The following CD5 variants were observed in gnomAD, a reference collection of about 807,000 sequenced individuals.
The protein encoded by CD5 is T-cell surface glycoprotein CD5.
CD5 carries 36 observed loss-of-function variants against 60.3 expected under a neutral mutation model. The observed-to-expected ratio is 0.60, with a 90% CI of 0.46 to 0.79. The LOEUF (loss-of-function observed/expected upper bound fraction) is 0.79. Ranked by LOEUF, CD5 falls within the 30% of genes least tolerant of loss-of-function variation. The pLI is 0.00. For synonymous variants in CD5, 230 were observed against 257.6 expected (o/e 0.89, Z 1.03); for missense variants, 540 against 630.6 (o/e 0.86, Z 1.54).
At chr11:61,123,821 CT>C in intron 7 of CD5, 62 bp from the exon 8 acceptor site, 1 of 649,644 alleles carries the variant, frequency 1.5e-6, no homozygotes. Flanking sequence ...ATCCCCACCC[CT>C]GCCTGCCCCC....
At chr11:61,110,607 C>A (rs984600203) in intron 1 of CD5, among the ~76,000 whole-genome samples, 1 of 152,180 alleles carries the variant, frequency 6.6e-6, no homozygotes, top group South Asian at 2.1e-4. Flanking sequence ...TCATGGGCTT[C>A]CTGCTGGAGG....
upstream of CD5, among the ~76,000 whole-genome samples, chr11:61,097,517 G>A (rs575091596): frequency 1.5e-4 from 23 of 152,258 alleles, no homozygotes; most frequent in African/African-American, 2.2e-4. Flanking sequence ...GGACCCACCC[G>A]GAGTCCCACC....
intron 8 of CD5, 73 bp downstream of exon 8, chr11:61,124,010 T>A: frequency 8.3e-7 from 1 of 1,204,954 alleles, no homozygotes; most frequent in Non-Finnish European, 1.2e-6. Flanking sequence ...CGAGGCTCTC[T>A]GCTGACCACA....
chr11:61,099,853 G>A (rs375045138), upstream of CD5, among the ~76,000 whole-genome samples: 139 of 144,592 alleles, frequency 9.6e-4, no homozygotes, highest in African/African-American at 3.3e-3. Context: ...ACAGCACAGA[G>A]ATCACACATG....
intron 1 of CD5, among the ~76,000 whole-genome samples, chr11:61,106,343 A>G (rs762072128): frequency 1.3e-5 from 2 of 152,154 alleles, no homozygotes; most frequent in Non-Finnish European, 2.9e-5. Flanking sequence ...AGGCAGAGAA[A>G]AAAGGGAAGA....
chr11:61,119,647 G>A (rs1267686774), intron 5 of CD5, 72 bp downstream of exon 5: 1 of 1,099,660 alleles, frequency 9.1e-7, no homozygotes, highest in African/African-American at 1.6e-5. Context: ...ATCCCAGAAG[G>A]TCAGGGAACA....
Position 61,118,197 on chromosome 11 carries a change from T to C in CD5, c.117T>C (p.Arg39=). The C allele has an allele frequency of 6.2e-7, 1 of 1,614,020 alleles. No homozygotes were observed. The highest frequency in any genetic ancestry group is 1.1e-5 in the South Asian group (1 of 91,084). The change falls in exon 3 of 11, where the codon CGT becomes CGC. Residue 39 remains arginine, a synonymous_variant. Coordinates refer to ENST00000347785, the MANE Select transcript of CD5 (RefSeq NM_014207.4). This position sits in a 1 kb window ranked among gnomAD's most constrained non-coding sequence, Gnocchi z 4.7. ...YDPDFQARLT[R]SNSKCQGQLE... ...CAGATTTCCAGGCAAGGCTCACCCG[T>C]TCCAACTCGAAGTGCCAGGGCCAGC...
Position 61,125,757 on chromosome 11 carries a change from A to T in CD5, c.1406A>T (p.Glu469Val). 1.2e-6 allele frequency: 2 copies of T among 1,610,344 alleles called. No individual in the cohort carries two copies. The highest frequency in any genetic ancestry group is 1.7e-6 in the Non-Finnish European group (2 of 1,177,534). Residue 469 changes from glutamate to valine, a missense_variant, in exon 10 of 11, where the codon GAA becomes GTA. Coordinates refer to ENST00000347785, the MANE Select transcript of CD5 (RefSeq NM_014207.4). ...GCGTCCTTTCTTTCCCCAGCTCTGGAAGGGGCTCTGCATCGCTCCTCCATG... is the reference window on the plus strand; with the variant it reads ...GCGTCCTTTCTTTCCCCAGCTCTGGTAGGGGCTCTGCATCGCTCCTCCATG... Reference protein sequence around the residue: ...NSHLSAYPALEGALHRSSMQP... With the variant: ...NSHLSAYPALVGALHRSSMQP...
intron 1 of CD5, among the ~76,000 whole-genome samples, chr11:61,107,039 A>G (rs980797535): frequency 6.6e-6 from 1 of 152,158 alleles, no homozygotes; most frequent in Non-Finnish European, 1.5e-5. Context: ...GAGACAAACA[A>G]GACACAAGCT....
intron 8 of CD5, 132 bp from the exon 9 acceptor site, chr11:61,124,899 AG>A: frequency 1.0e-6 from 1 of 956,520 alleles, no homozygotes; most frequent in Non-Finnish European, 1.6e-6. Context: ...GATGCATTGA[AG>A]GGGCTGTGGG....
intron 1 of CD5, among the ~76,000 whole-genome samples, chr11:61,110,846 A>G (rs1171046149): frequency 6.6e-6 from 1 of 152,088 alleles, no homozygotes; most frequent in Non-Finnish European, 1.5e-5. Flanking sequence ...GAAAACTTTT[A>G]AAGTGTTGGT....
Position 61,118,978 on chromosome 11 carries a change from G to A in CD5, c.463+1G>A, listed in dbSNP as rs1331313999. ...CCCACCACAACTCCAGAGCCCACAG[G>A]TAAGAGGATTCTGAACCCCCCACAG... is the stretch of plus-strand genomic sequence containing the variant. On this transcript the variant is annotated splice_donor_variant, in intron 4 of 10. Transcript: ENST00000347785. LOFTEE classifies it high-confidence loss of function. The surrounding 1 kb of genome is among the most constrained non-coding windows in gnomAD (Gnocchi z 4.7). 2.5e-6 allele frequency: 4 copies of A among 1,612,344 alleles called. No individual in the cohort carries two copies. The highest frequency in any genetic ancestry group is 1.7e-6 in the Non-Finnish European group (2 of 1,178,850).
intron 1 of CD5, among the ~76,000 whole-genome samples, chr11:61,113,553 T>C (rs1274740523): frequency 6.6e-6 from 1 of 152,266 alleles, no homozygotes; most frequent in Non-Finnish European, 1.5e-5. Flanking sequence ...GAGCTTGGTC[T>C]TCTCCAGAAA....
intron 4 of CD5, 26 bp from the exon 5 acceptor site, chr11:61,119,208 C>A: frequency 3.2e-6 from 5 of 1,545,386 alleles, no homozygotes; most frequent in South Asian, 1.2e-5. Context: ...CAGGGTGGCT[C>A]CCCCTCCTGC....
chr11:61,106,512 C>G (rs1217571586), intron 1 of CD5, among the ~76,000 whole-genome samples: 9 of 152,180 alleles, frequency 5.9e-5, no homozygotes, highest in Non-Finnish European at 1.3e-4. Flanking sequence ...CTCCCCACCT[C>G]CAGCAGGGAA....
the CD5 span, among the ~76,000 whole-genome samples, chr11:61,096,593 GC>G: frequency 1.3e-5 from 2 of 152,216 alleles, no homozygotes; most frequent in South Asian, 4.1e-4. Flanking sequence ...ACTGTCCCTT[GC>G]CCTTGCTGGG....
Position 61,123,021 on chromosome 11 carries a change from T to C in CD5, c.1214T>C (p.Leu405Pro), listed in dbSNP as rs1462852918. The change falls in exon 7 of 11, where the codon CTA (leucine) becomes CCA (proline). Residue 405 changes from leucine to proline, a missense_variant. Physicochemically the swap from Leu to Pro is moderately conservative, Grantham distance 98. Transcript: ENST00000347785. Reference protein sequence around the residue: ...VVCGPLAYKKLVKKFRQKKQR... With the variant: ...VVCGPLAYKKPVKKFRQKKQR... ...TGCGGCCCCCTTGCCTACAAGAAGC[T>C]AGTGAAGAAATGTAGGTGTCACGGC... The C allele has an allele frequency of 6.2e-7, 1 of 1,612,402 alleles. No homozygotes were observed. Among genetic ancestry groups the C allele is most frequent in the African/African-American group, 1.3e-5 (1 of 74,872 alleles).
At chr11:61,115,990 C>A (rs1368454988) in intron 2 of CD5, among the ~76,000 whole-genome samples, 2 of 152,200 alleles carry the variant, frequency 1.3e-5, no homozygotes, top group Non-Finnish European at 2.9e-5. Flanking sequence ...CTGCAAATCA[C>A]CCCACCAATG....
chr11:61,117,222 CA>C (rs1226808398), intron 2 of CD5, among the ~76,000 whole-genome samples: 10 of 152,158 alleles, frequency 6.6e-5, no homozygotes, highest in African/African-American at 2.2e-4. Context: ...CCAAATCAAA[CA>C]AAATAAAATC....
Sources: allele counts gnomAD v4.1 joint callset (sites outside exome capture counted in the v4.1 genomes callset), GRCh38; gene constraint gnomAD v4.1.1; non-coding constraint Gnocchi (gnomAD v3.1); transcripts MANE v1.5; gene names NCBI Gene and HGNC (gene_info 2026-07-23, HGNC 2026-07-21).